SUFU: variants seen among roughly 807,000 people sequenced by gnomAD.
SUFU encodes the protein SUFU negative regulator of hedgehog signaling, also known as suppressor of fused homolog.
In SUFU, 7 loss-of-function variants were observed where a neutral mutation model predicts 58.9. The ratio of observed to expected loss-of-function variants is 0.12; its 90% CI spans 0.07 to 0.22. The LOEUF (loss-of-function observed/expected upper bound fraction) is 0.22. Among genes scored for constraint, SUFU ranks in the 10% least tolerant of loss-of-function variants. The pLI is 1.00. For synonymous variants in SUFU, 232 were observed against 254.8 expected (o/e 0.91, Z 0.85); for missense variants, 451 against 641.3 (o/e 0.70, Z 3.20).
chr10:102,526,626 G>A (rs2062611272), intron 2 of SUFU, among the ~76,000 whole-genome samples: 1 of 152,176 alleles, frequency 6.6e-6, no homozygotes, highest in Non-Finnish European at 1.5e-5. Flanking sequence ...TGGTTGAGGT[G>A]GGTGGGGAGG....
At chr10:102,623,796 C>T (rs1416778712) in intron 10 of SUFU, among the ~76,000 whole-genome samples, 6 of 152,072 alleles carry the variant, frequency 3.9e-5, no homozygotes, top group Admixed American at 1.3e-4. Flanking sequence ...AAAAATTAGC[C>T]GGACATGGTG....
intron 3 of SUFU, among the ~76,000 whole-genome samples, chr10:102,583,895 G>T (rs754378855): frequency 6.6e-6 from 1 of 152,086 alleles, no homozygotes; most frequent in South Asian, 2.1e-4. Context: ...TGTGATGTTC[G>T]GTTTGGGGTA....
At chr10:102,570,431 C>T (rs776105072) in intron 3 of SUFU, among the ~76,000 whole-genome samples, 4 of 152,024 alleles carry the variant, frequency 2.6e-5, no homozygotes, top group African/African-American at 7.2e-5. Context: ...TTAGTAGAGA[C>T]GGAGTTTCAC....
chr10:102,597,857 G>A (rs2063478997), intron 7 of SUFU, among the ~76,000 whole-genome samples: 1 of 152,276 alleles, frequency 6.6e-6, no homozygotes, highest in Non-Finnish European at 1.5e-5. Context: ...CTTTGGGAAG[G>A]AGGATGTGGC....
In SUFU at chr10:102,529,730, A is replaced by T. The variant is rs571457181; in HGVS notation, c.318-20240A>T. On this transcript the variant is annotated intron_variant, in intron 2 of 11. Coordinates refer to ENST00000369902, the MANE Select transcript of SUFU (RefSeq NM_016169.4). ...GGGAGGCCAAGGCGGGCAGATCACA[A>T]GATCAAGAGATCAAGACCATCCTGG... is the stretch of plus-strand genomic sequence containing the variant. 2.0e-5 allele frequency among the ~76,000 whole-genome samples: 3 copies of T among 152,154 alleles called. No homozygotes were observed. In the East Asian group the frequency reaches 5.8e-4, roughly 29 times the overall value.
intron 2 of SUFU, among the ~76,000 whole-genome samples, chr10:102,520,187 T>C (rs61869604): frequency 7.5e-4 from 114 of 151,748 alleles, no homozygotes; most frequent in Non-Finnish European, 1.4e-3. Flanking sequence ...CTTCACTCTT[T>C]GTGTTGTACA....
At chr10:102,618,798 G>T in intron 10 of SUFU, 1 of 545,712 alleles carries the variant, frequency 1.8e-6, no homozygotes, top group Non-Finnish European at 3.3e-6. Context: ...CATGTCCCGG[G>T]CTGCTGCGTC....
intron 9 of SUFU, among the ~76,000 whole-genome samples, chr10:102,615,619 G>A (rs2063678231): frequency 6.6e-6 from 1 of 152,204 alleles, no homozygotes; most frequent in Non-Finnish European, 1.5e-5. Flanking sequence ...CTCAGGGAGG[G>A]AGGAGAGCTA....
intron 3 of SUFU, among the ~76,000 whole-genome samples, chr10:102,581,040 C>T (rs2063271630): frequency 1.3e-5 from 2 of 151,766 alleles, no homozygotes; most frequent in South Asian, 4.2e-4. Context: ...ATTAGCTGGG[C>T]ATGGTGGTGT....
intron 3 of SUFU, chr10:102,573,072 G>A: frequency 1.3e-6 from 1 of 794,074 alleles, no homozygotes; most frequent in African/African-American, 1.7e-5. Flanking sequence ...CAGAATCGCA[G>A]TGTCTTGGGC....
chr10:102,509,360 C>G, intron 2 of SUFU, 57 bp downstream of exon 2: 1 of 1,603,702 alleles, frequency 6.2e-7, no homozygotes, highest in Non-Finnish European at 8.5e-7. Flanking sequence ...TCTTCCTGAG[C>G]AGGGGTGACA....
chr10:102,615,840 A>G (rs2063681056), intron 9 of SUFU, among the ~76,000 whole-genome samples: 1 of 152,190 alleles, frequency 6.6e-6, no homozygotes, highest in African/African-American at 2.4e-5. Flanking sequence ...CACTGTGACC[A>G]GAGAGCCCCA....
intron 2 of SUFU, 30 bp from the exon 3 acceptor site, chr10:102,549,940 C>G (rs1370331265): frequency 3.1e-6 from 5 of 1,613,944 alleles, no homozygotes; most frequent in Non-Finnish European, 4.2e-6. Context: ...GGTAATTGAG[C>G]TTAAAACACT....
intron 8 of SUFU, among the ~76,000 whole-genome samples, chr10:102,608,355 T>TAAAAAAG (rs1269933980): frequency 6.6e-6 from 1 of 151,968 alleles, no homozygotes; most frequent in Non-Finnish European, 1.5e-5. Flanking sequence ...GACTAAACAC[T>TAAAAAAG]AAAAAAGAAA....
At chr10:102,584,663 C>T (rs189519452) in intron 3 of SUFU, among the ~76,000 whole-genome samples, 4 of 152,122 alleles carry the variant, frequency 2.6e-5, no homozygotes, top group Non-Finnish European at 4.4e-5. Context: ...AGGTAAGCAA[C>T]GCTAATTTGC....
chr10:102,536,331 A>T (rs890076695), intron 2 of SUFU, among the ~76,000 whole-genome samples: 1 of 148,644 alleles, frequency 6.7e-6, no homozygotes, highest in African/African-American at 2.5e-5. Flanking sequence ...AACAAAAATT[A>T]TACTGTAGTA....
intron 2 of SUFU, among the ~76,000 whole-genome samples, chr10:102,526,271 C>T (rs937839340): frequency 6.6e-5 from 10 of 151,708 alleles, no homozygotes; most frequent in African/African-American, 2.4e-4. Flanking sequence ...TAAAGCAGGG[C>T]GCCAAGTGTG....
chr10:102,550,308 C>T (rs1183264709), intron 3 of SUFU, among the ~76,000 whole-genome samples: 1 of 152,140 alleles, frequency 6.6e-6, no homozygotes, highest in Non-Finnish European at 1.5e-5. Context: ...GGGGTACTCC[C>T]CTGTGCCCTC....
intron 3 of SUFU, among the ~76,000 whole-genome samples, chr10:102,589,059 G>A (rs1301430505): frequency 2.0e-5 from 3 of 151,850 alleles, no homozygotes; most frequent in Non-Finnish European, 4.4e-5. Flanking sequence ...GATAGCTGCA[G>A]CTACAGGTGT....
Sources: gnomAD v4.1 joint callset for allele counts (sites outside exome capture counted in the v4.1 genomes callset) on GRCh38, gnomAD v4.1.1 for gene constraint, MANE v1.5 for transcripts, NCBI Gene and HGNC (gene_info 2026-07-23, HGNC 2026-07-21) for gene names.